CLASP1: variants seen among roughly 807,000 people sequenced by gnomAD.
The protein encoded by CLASP1 is cytoplasmic linker associated protein 1, also known as CLIP-associating protein 1.
In CLASP1, 38 loss-of-function variants were observed where a neutral mutation model predicts 192.3. That is an observed-to-expected ratio of 0.20 (90% CI 0.15 to 0.26). The LOEUF (loss-of-function observed/expected upper bound fraction) is 0.26, where lower values mean the gene tolerates loss of function less well. Among genes scored for constraint, CLASP1 ranks in the 10% least tolerant of loss-of-function variants. The pLI is 1.00. For synonymous variants in CLASP1, 691 were observed against 712.8 expected (o/e 0.97, Z 0.49); for missense variants, 1,433 against 1,932.5 (o/e 0.74, Z 4.85).
chr2:121,396,326 T>G (rs961949845), intron 30 of CLASP1, among the ~76,000 whole-genome samples: 2 of 152,112 alleles, frequency 1.3e-5, no homozygotes, highest in Non-Finnish European at 2.9e-5. Context: ...CACTATATAA[T>G]CCAAAATAAC....
intron 1 of CLASP1, among the ~76,000 whole-genome samples, chr2:121,618,936 G>C (rs2066894761): frequency 6.6e-6 from 1 of 152,174 alleles, no homozygotes; most frequent in East Asian, 1.9e-4. Context: ...AGTCATCTCT[G>C]AACTGGAGAA....
intron 2 of CLASP1, among the ~76,000 whole-genome samples, chr2:121,535,093 C>T (rs902408138): frequency 5.3e-5 from 8 of 152,140 alleles, no homozygotes; most frequent in Non-Finnish European, 8.8e-5. Context: ...GCCTGGGCAA[C>T]GTGGCGAAAT....
At chr2:121,626,296 C>T (rs1316696092) in intron 1 of CLASP1, among the ~76,000 whole-genome samples, 3 of 152,060 alleles carry the variant, frequency 2.0e-5, no homozygotes, top group African/African-American at 4.8e-5. Context: ...CAAGAGAAGT[C>T]TTTCTGTGTT....
chr2:121,482,167 G>A (rs545294131), intron 8 of CLASP1, among the ~76,000 whole-genome samples: 5 of 152,218 alleles, frequency 3.3e-5, no homozygotes, highest in East Asian at 1.9e-4. Context: ...AATATACAGC[G>A]AGAGAGAACA....
chr2:121,551,480 C>A (rs571556242), intron 2 of CLASP1, among the ~76,000 whole-genome samples: 1 of 152,086 alleles, frequency 6.6e-6, no homozygotes, highest in Non-Finnish European at 1.5e-5. Context: ...GCTCATTCAG[C>A]GATCAACAAC....
chr2:121,359,147 A>G (rs1243422792), intron 37 of CLASP1, among the ~76,000 whole-genome samples: 1 of 152,276 alleles, frequency 6.6e-6, no homozygotes, highest in Non-Finnish European at 1.5e-5. Flanking sequence ...ACAATGATTT[A>G]TAATTAGTAT....
chr2:121,432,608 T>C (rs1275761076), intron 19 of CLASP1, among the ~76,000 whole-genome samples: 1 of 152,214 alleles, frequency 6.6e-6, no homozygotes, highest in Admixed American at 6.5e-5. Context: ...TTCTCATTCA[T>C]TGTATCTTCT....
chr2:121,515,984 T>C (rs1216502845), intron 6 of CLASP1, among the ~76,000 whole-genome samples: 1 of 152,242 alleles, frequency 6.6e-6, no homozygotes, highest in Non-Finnish European at 1.5e-5. Context: ...CCCCCATCCC[T>C]ATATACACGG....
chr2:121,438,340 T>G (rs1027178429), intron 19 of CLASP1, among the ~76,000 whole-genome samples: 2 of 150,958 alleles, frequency 1.3e-5, no homozygotes, highest in South Asian at 4.2e-4. Flanking sequence ...AGATTAGGGG[T>G]TTTTTTTCCC....
chr2:121,486,713 C>T (rs951109136), intron 8 of CLASP1, among the ~76,000 whole-genome samples: 6 of 152,206 alleles, frequency 3.9e-5, no homozygotes, highest in Admixed American at 1.3e-4. Flanking sequence ...AATGTTCTCT[C>T]ATACTTTAAA....
chr2:121,615,429 T>C (rs2066290363), intron 1 of CLASP1, among the ~76,000 whole-genome samples: 1 of 151,906 alleles, frequency 6.6e-6, no homozygotes, highest in African/African-American at 2.4e-5. Context: ...GCAGACATAG[T>C]GAGATACCTG....
intron 8 of CLASP1, among the ~76,000 whole-genome samples, chr2:121,475,108 A>C (rs1335957307): frequency 3.3e-5 from 5 of 152,202 alleles, no homozygotes; most frequent in Admixed American, 3.3e-4. Context: ...TTAAGATTCA[A>C]TTTTTCAATG....
chr2:121,370,745 C>T (rs564778137), intron 34 of CLASP1, among the ~76,000 whole-genome samples: 1 of 152,332 alleles, frequency 6.6e-6, no homozygotes, highest in South Asian at 2.1e-4. Flanking sequence ...CCTGGCCCTG[C>T]AGCTCTGCCA....
chr2:121,586,338 G>A lies in CLASP1; in HGVS notation c.195+19363C>T, dbSNP rs183042402. On this transcript the variant is annotated intron_variant, in intron 2 of 39. Transcript: ENST00000263710. ...GATGGGGTTTCACCGTGTTGGCCAG[G>A]CTGGTCTCAAATGCCTGACCTGAAG... Among the ~76,000 whole-genome samples the A allele has an allele frequency of 3.4e-3, 520 of 152,204 alleles. 2 individuals are homozygous for A. The highest frequency in any genetic ancestry group is 5.7e-3 in the Non-Finnish European group (389 of 68,008).
At chr2:121,363,038 CTG>C in intron 37 of CLASP1, 132 bp downstream of exon 38, 1 of 1,105,370 alleles carries the variant, frequency 9.0e-7, no homozygotes, top group African/African-American at 1.6e-5. Flanking sequence ...GGACTCCACT[CTG>C]TATTACGACA....
At chr2:121,491,483 A>C (rs894221054) in intron 8 of CLASP1, among the ~76,000 whole-genome samples, 1 of 152,248 alleles carries the variant, frequency 6.6e-6, no homozygotes, top group Non-Finnish European at 1.5e-5. Context: ...AAGGACACTG[A>C]GTAGTCCATA....
rs1047333275 is a variant in CLASP1 at position 121,400,716 on chromosome 2, T to C, written c.2900+793A>G. ...TTAAGGTCCTTCCATCTTGAAATTC[T>C]ATGATAACTAGAATTATTCCAGTTT... On this transcript the variant is annotated intron_variant, in intron 28 of 39. Coordinates refer to ENST00000263710, the Ensembl canonical transcript of CLASP1. 5.3e-5 allele frequency among the ~76,000 whole-genome samples: 8 copies of C among 152,270 alleles called. 1 individual carries two copies. The highest frequency in any genetic ancestry group is 4.6e-4 in the Admixed American group (7 of 15,288).
intron 2 of CLASP1, among the ~76,000 whole-genome samples, chr2:121,605,063 C>T (rs1307102896): frequency 6.6e-6 from 1 of 152,194 alleles, no homozygotes; most frequent in East Asian, 1.9e-4. Context: ...GGAAAACTGT[C>T]TTTGAAAGGT....
At chr2:121,517,730 T>C (rs1046679819) in intron 6 of CLASP1, among the ~76,000 whole-genome samples, 2 of 151,846 alleles carry the variant, frequency 1.3e-5, no homozygotes, top group African/African-American at 4.8e-5. Context: ...CAGTTGGTAC[T>C]CAGCTACAGT....
Sources: gnomAD v4.1 joint callset for allele counts (sites outside exome capture counted in the v4.1 genomes callset) on GRCh38, gnomAD v4.1.1 for gene constraint, MANE v1.5 for transcripts, NCBI Gene and HGNC (gene_info 2026-07-23, HGNC 2026-07-21) for gene names.